SNRPD3: variants seen among roughly 807,000 people sequenced by gnomAD.
The protein encoded by SNRPD3 is small nuclear ribonucleoprotein D3 polypeptide, also known as small nuclear ribonucleoprotein Sm D3.
For synonymous variants in SNRPD3, 66 were observed against 58.4 expected (o/e 1.13, Z -0.59); for missense variants, 73 against 167.5 (o/e 0.44, Z 3.11).
intron 3 of SNRPD3, among the ~76,000 whole-genome samples, chr22:24,569,823 A>C (rs1185897537): frequency 2.0e-5 from 3 of 152,228 alleles, no homozygotes; most frequent in Non-Finnish European, 2.9e-5. Context: ...GCTACAAATA[A>C]ACAGCCACAT....
At chr22:24,562,032 G>A (rs1051434900) in intron 2 of SNRPD3, among the ~76,000 whole-genome samples, 22 of 151,732 alleles carry the variant, frequency 1.4e-4, no homozygotes, top group Admixed American at 7.2e-4. Flanking sequence ...ACAACGATTC[G>A]GAAAAGATAA....
At chr22:24,559,341 A>G (rs563768441) in intron 2 of SNRPD3, among the ~76,000 whole-genome samples, 1 of 152,310 alleles carries the variant, frequency 6.6e-6, no homozygotes, top group African/African-American at 2.4e-5. Flanking sequence ...TAAGTTTATC[A>G]TCTCTCATAT....
chr22:24,558,489 A>G (rs748301263), intron 2 of SNRPD3, among the ~76,000 whole-genome samples: 3 of 152,158 alleles, frequency 2.0e-5, no homozygotes, highest in Non-Finnish European at 4.4e-5. Flanking sequence ...TTTGAATCCT[A>G]ATTATATGAC....
At chr22:24,563,236 G>GTGTGTGTGTA in intron 2 of SNRPD3, among the ~76,000 whole-genome samples, 1 of 81,894 alleles carries the variant, frequency 1.2e-5, no homozygotes, top group Admixed American at 1.4e-4. Flanking sequence ...GTGTGTGTGT[G>GTGTGTGTGTA]TGTGTGTATG....
At chr22:24,566,534 T>C (rs1288500416) in intron 2 of SNRPD3, among the ~76,000 whole-genome samples, 1 of 152,146 alleles carries the variant, frequency 6.6e-6, no homozygotes, top group African/African-American at 2.4e-5. Flanking sequence ...AGTGTTGATA[T>C]TACAGACATG....
intron 3 of SNRPD3, among the ~76,000 whole-genome samples, chr22:24,569,175 G>A (rs2045226221): frequency 6.6e-6 from 1 of 152,176 alleles, no homozygotes; most frequent in African/African-American, 2.4e-5. Context: ...TACTTAGGGA[G>A]GTCTGATAGT....
At chr22:24,570,108 G>A (rs1042758145) in intron 3 of SNRPD3, among the ~76,000 whole-genome samples, 3 of 152,224 alleles carry the variant, frequency 2.0e-5, no homozygotes, top group Non-Finnish European at 4.4e-5. Flanking sequence ...GAAACCCCGC[G>A]AGGCCTGTCC....
upstream of SNRPD3, chr22:24,555,803 C>G (rs1336432119): frequency 7.1e-6 from 11 of 1,548,174 alleles, no homozygotes; most frequent in Non-Finnish European, 9.6e-6. Context: ...AGGGTCGTTG[C>G]GGCGGCCCCC....
chr22:24,570,153 C>T (rs2045236057), intron 3 of SNRPD3, among the ~76,000 whole-genome samples: 1 of 152,238 alleles, frequency 6.6e-6, no homozygotes, highest in African/African-American at 2.4e-5. Context: ...AGCATTTGTT[C>T]CTCCAGGGTA....
rs766817347 is a variant in SNRPD3 at position 24,574,858 on chromosome 22, T to C, written c.*2881T>C. On this transcript the variant is annotated 3_prime_UTR_variant, in exon 4 of 4. Transcript: ENST00000215829. ...CACCATTATCTTTTGAATCCTCTCT[T>C]CCTCCTGCCCACCATGAATTTACTT... Among the ~76,000 whole-genome samples the C allele has an allele frequency of 6.6e-6, 1 of 152,146 alleles. No homozygotes were observed. Among genetic ancestry groups the C allele is most frequent in the African/African-American group, 2.4e-5 (1 of 41,426 alleles).
At chr22:24,558,424 G>T (rs774645863) in intron 2 of SNRPD3, among the ~76,000 whole-genome samples, 1 of 152,100 alleles carries the variant, frequency 6.6e-6, no homozygotes, top group African/African-American at 2.4e-5. Flanking sequence ...CACTTTCTTT[G>T]TTCTTTAAAC....
chr22:24,567,758 G>C (rs562043291), intron 2 of SNRPD3, among the ~76,000 whole-genome samples: 21 of 65,936 alleles, frequency 3.2e-4, no homozygotes, highest in East Asian at 1.5e-3. Flanking sequence ...AAAAAAAAAG[G>C]GGGGGAGCAC....
intron 2 of SNRPD3, among the ~76,000 whole-genome samples, chr22:24,562,619 AAGGATC>A (rs1391501573): frequency 1.3e-5 from 2 of 151,888 alleles, no homozygotes; most frequent in Non-Finnish European, 2.9e-5. Context: ...CTGAGGCAAA[AAGGATC>A]ACTTGAGCCC....
chr22:24,570,527 AC>A (rs1323540973), intron 3 of SNRPD3, among the ~76,000 whole-genome samples: 2 of 152,064 alleles, frequency 1.3e-5, no homozygotes, highest in African/African-American at 4.8e-5. Flanking sequence ...TACTAAAAAT[AC>A]AAAAATTAGC....
At chr22:24,563,238 G>GTGTATGTGTGTATGTATGTA (rs2045162740) in intron 2 of SNRPD3, among the ~76,000 whole-genome samples, 1 of 132,234 alleles carries the variant, frequency 7.6e-6, no homozygotes, top group African/African-American at 3.0e-5. Context: ...GTGTGTGTGT[G>GTGTATGTGTGTATGTATGTA]TGTGTATGTG....
intron 2 of SNRPD3, among the ~76,000 whole-genome samples, chr22:24,561,032 C>G (rs1166395707): frequency 6.9e-6 from 1 of 145,578 alleles, no homozygotes; most frequent in Non-Finnish European, 1.5e-5. Flanking sequence ...AGCCACTGCA[C>G]CCAGCCTTTT....
At chr22:24,558,124 A>G (rs1441777038) in intron 2 of SNRPD3, 5 of 180,752 alleles carry the variant, frequency 2.8e-5, no homozygotes, top group Non-Finnish European at 5.7e-5. Flanking sequence ...GCCATTATCC[A>G]TTTGCCTCCA....
intron 2 of SNRPD3, among the ~76,000 whole-genome samples, chr22:24,559,495 C>T (rs1016409568): frequency 2.6e-4 from 39 of 152,252 alleles, no homozygotes; most frequent in African/African-American, 9.4e-4. Flanking sequence ...GTTTCCAGGG[C>T]CTTTGTCATC....
At chr22:24,558,497 G>T (rs1415730903) in intron 2 of SNRPD3, among the ~76,000 whole-genome samples, 1 of 152,178 alleles carries the variant, frequency 6.6e-6, no homozygotes, top group Non-Finnish European at 1.5e-5. Context: ...CTAATTATAT[G>T]ACTTTAGATG....
Sources: allele counts gnomAD v4.1 joint callset (sites outside exome capture counted in the v4.1 genomes callset), GRCh38; gene constraint gnomAD v4.1.1; transcripts MANE v1.5; gene names NCBI Gene and HGNC (gene_info 2026-07-23, HGNC 2026-07-21).